The following TTBK1 variants were observed in gnomAD, a reference collection of about 807,000 sequenced individuals.
The protein encoded by TTBK1 is tau-tubulin kinase 1.
In TTBK1, 34 loss-of-function variants were observed where a neutral mutation model predicts 108.5. That is an observed-to-expected ratio of 0.31 (90% CI 0.24 to 0.42). The LOEUF (loss-of-function observed/expected upper bound fraction) is 0.42. Among genes scored for constraint, TTBK1 ranks in the 10% least tolerant of loss-of-function variants. The pLI is 1.00. For missense variants in TTBK1, 1,539 were observed against 1,826.0 expected (o/e 0.84, Z 2.86); for synonymous variants, 809 against 795.1 (o/e 1.02, Z -0.29).
chr6:43,284,145 C>A lies in TTBK1; in HGVS notation c.3405C>A (p.Ala1135=). Residue 1135 remains alanine (A), a synonymous_variant, in exon 14 of 15, where the codon GCC becomes GCA. Transcript: ENST00000259750. ...SGTGSEEDTP[A]SEPAAALPRK... ...CGGGCTCTGAGGAGGACACGCCCGCCTCTGAGCCGGCAGCGGCCTTGCCCA... is the reference window on the plus strand; with the variant it reads ...CGGGCTCTGAGGAGGACACGCCCGCATCTGAGCCGGCAGCGGCCTTGCCCA... The A allele has an allele frequency of 6.5e-7, 1 of 1,545,480 alleles. No individual in the cohort carries two copies. Among genetic ancestry groups the A allele is most frequent in the Non-Finnish European group, 8.7e-7 (1 of 1,151,926 alleles).
rs906714468 is a variant in TTBK1 at position 43,246,782 on chromosome 6, C to T, written c.108+14C>T. On this transcript the variant is annotated intron_variant, in intron 2 of 14. Coordinates refer to ENST00000259750, the MANE Select transcript of TTBK1 (RefSeq NM_032538.3). ...CGCTGGAAGGTGGTGAGTGAGTGACCCGGCGGGACAGAGGGAGGGTAGCGG... is the reference window on the plus strand; with the variant it reads ...CGCTGGAAGGTGGTGAGTGAGTGACTCGGCGGGACAGAGGGAGGGTAGCGG... 1 of 1,598,978 alleles carries T rather than the reference C, an allele frequency of 6.3e-7. No homozygotes were observed. The highest frequency in any genetic ancestry group is 8.5e-7 in the Non-Finnish European group (1 of 1,170,980).
rs773134750 is a variant in TTBK1, at chr6:43,269,774, G to GGGCTCCTCC, written c.1986+6427_1986+6435dup. Reference sequence around the variant, plus strand: ...CTCACCCCGGCGGCGGCGGCTCCTCGGGCTCCTCCGGTTCCCTCATTCAGC... The same window carrying GGGCTCCTCC: ...CTCACCCCGGCGGCGGCGGCTCCTCGGGCTCCTCCGGCTCCTCCGGTTCCCTCATTCAGC... On this transcript the variant is annotated intron_variant, in intron 13 of 14. Coordinates refer to ENST00000259750, the MANE Select transcript of TTBK1 (RefSeq NM_032538.3). The surrounding 1 kb of genome is among the most constrained non-coding windows in gnomAD (Gnocchi z 4.8). 8 of 1,583,960 alleles carry GGGCTCCTCC rather than the reference G, an allele frequency of 5.1e-6. No individual in the cohort carries two copies. The highest frequency in any genetic ancestry group is 2.6e-6 in the Non-Finnish European group (3 of 1,169,976).
At position 43,253,513 on chromosome 6, in the gene TTBK1, G is replaced by T; in HGVS notation, c.331-55G>T. 6.3e-7 allele frequency: 1 copy of T among 1,586,446 alleles called. No individual in the cohort carries two copies. The highest frequency in any genetic ancestry group is 8.6e-7 in the Non-Finnish European group (1 of 1,165,912). ...GGCTGGGAAGAGTATCACAATGATG[G>T]TGTCTGGGATGATGGCTGAGGGTGA... On this transcript the variant is annotated intron_variant, in intron 4 of 14. Transcript: ENST00000259750. The surrounding 1 kb of genome is among the most constrained non-coding windows in gnomAD (Gnocchi z 5.8).
Position 43,283,244 on chromosome 6 carries a change from C to G in TTBK1, c.2504C>G (p.Thr835Arg). ...CTGGAGCCTGAGGAGGGCTCCAAAA[C>G]GCTGGTGCTTGTCTCTCCTGGCGAC... ...GDLEPEEGSKTLVLVSPGDMK... is the reference protein window; with the variant it reads ...GDLEPEEGSKRLVLVSPGDMK... The change falls in exon 14 of 15, where the codon ACG becomes AGG. Residue 835 changes from threonine (T) to arginine (R), a missense_variant. Physicochemically the swap from Thr to Arg is moderately conservative, Grantham distance 71. Coordinates refer to ENST00000259750, the MANE Select transcript of TTBK1 (RefSeq NM_032538.3). This position sits in a 1 kb window ranked among gnomAD's most constrained non-coding sequence, Gnocchi z 8.1. 3 of 1,552,600 alleles carry G rather than the reference C, an allele frequency of 1.9e-6. No individual in the cohort carries two copies. The highest frequency in any genetic ancestry group is 2.6e-6 in the Non-Finnish European group (3 of 1,148,378).
chr6:43,260,746 CAG>C (rs1777518830), intron 12 of TTBK1, among the ~76,000 whole-genome samples: 1 of 152,158 alleles, frequency 6.6e-6, no homozygotes, highest in African/African-American at 2.4e-5. Context: ...GTTTGGCTCA[CAG>C]TGAACCCCAG....
Position 43,285,221 on chromosome 6 carries a change from C to A in TTBK1, c.3811C>A (p.Pro1271Thr), listed in dbSNP as rs543762124. 6.8e-4 allele frequency: 883 copies of A among 1,306,734 alleles called. 4 individuals carry two copies. In the African/African-American group the frequency reaches 0.011, roughly 17 times the overall value. The allele number at this position is 1,306,734 out of a possible 1,614,324, so 80.9% of individuals were successfully genotyped here. The change falls in exon 15 of 15, where the codon CCC becomes ACC. Residue 1271 changes from proline (P) to threonine (T), a missense_variant. Physicochemically the swap from Pro to Thr is conservative, Grantham distance 38. Transcript: ENST00000259750. The surrounding 1 kb of genome is among the most constrained non-coding windows in gnomAD (Gnocchi z 4.7). ...SPSHQARPGV[P>T]PPRGVPPARA... ...CTCGCACCAGGCCCGGCCCGGGGTC[C>A]CCCCGCCCCGGGGCGTCCCGCCGGC...
chr6:43,262,801 T>C lies in TTBK1; in HGVS notation c.1437T>C (p.Asp479=). Residue 479 remains aspartate, a synonymous_variant, in exon 13 of 15, where the codon GAT becomes GAC. Coordinates refer to ENST00000259750, the MANE Select transcript of TTBK1 (RefSeq NM_032538.3). Reference sequence around the variant, plus strand: ...GGTGGCTTTGCAGGTCACGGATGGATCTGCCTGGCTCGCCCTCGCGCCAGG... The same window carrying C: ...GGTGGCTTTGCAGGTCACGGATGGACCTGCCTGGCTCGCCCTCGCGCCAGG... ...VELPERRSRM[D]LPGSPSRQAC... is the part of the protein sequence containing the mutation. The C allele has an allele frequency of 1.3e-6, 2 of 1,571,620 alleles. No homozygotes were observed. The highest frequency in any genetic ancestry group is 1.7e-6 in the Non-Finnish European group (2 of 1,155,220).
rs1778400384 is a variant in TTBK1, at chr6:43,287,078, G to T, written c.*1702G>T. On this transcript the variant is annotated 3_prime_UTR_variant, in exon 15 of 15. Coordinates refer to ENST00000259750, the MANE Select transcript of TTBK1 (RefSeq NM_032538.3). The surrounding 1 kb of genome is among the most constrained non-coding windows in gnomAD (Gnocchi z 4.1). Reference sequence around the variant, plus strand: ...CAGCCACTTCCAGGCCAGGGTGGTGGCTTCTCTGCAGACCAGCTGAGGGGA... The same window carrying T: ...CAGCCACTTCCAGGCCAGGGTGGTGTCTTCTCTGCAGACCAGCTGAGGGGA... The T allele has an allele frequency of 6.5e-6, 1 of 152,678 alleles. No individual in the cohort carries two copies. Among genetic ancestry groups the T allele is most frequent in the Non-Finnish European group, 1.5e-5 (1 of 68,068 alleles). The allele number at this position is 152,678 out of a possible 1,614,324, so 9.5% of individuals were successfully genotyped here.
chr6:43,270,389 C>A lies in TTBK1; in HGVS notation c.1986+7039C>A, dbSNP rs988380581. Reference sequence around the variant, plus strand: ...GGTCTGATCCACCCCGAGGGGCTGGCGGGAGGCCAAGACCCTCCTTGCATG... The same window carrying A: ...GGTCTGATCCACCCCGAGGGGCTGGAGGGAGGCCAAGACCCTCCTTGCATG... On this transcript the variant is annotated intron_variant, in intron 13 of 14. Coordinates refer to ENST00000259750, the MANE Select transcript of TTBK1 (RefSeq NM_032538.3). 1.4e-5 allele frequency: 14 copies of A among 994,024 alleles called. No individual in the cohort carries two copies. The African/African-American group carries it at 2.3e-4, about 17-fold the overall frequency. The allele number at this position is 994,024 out of a possible 1,614,324, so 61.6% of individuals were successfully genotyped here. A position where few individuals can be genotyped will look rare whatever the true frequency, so the allele number is the denominator to read the frequency against.
intron 7 of TTBK1, 69 bp downstream of exon 7, chr6:43,255,183 T>TGGGGTGGG: frequency 4.9e-6 from 1 of 206,162 alleles, no homozygotes; most frequent in Non-Finnish European, 9.0e-6. Flanking sequence ...AGTGTGCTGC[T>TGGGGTGGG]GGGGAGGGGT....
In TTBK1 at chr6:43,253,029, G is replaced by A; in HGVS notation, c.256+143G>A. Reference sequence around the variant, plus strand: ...GGATGGAGCCAGGAGCTAAGGGGGAGGTGACGGAGCCAGAGTCTAGGAGAG... The same window carrying A: ...GGATGGAGCCAGGAGCTAAGGGGGAAGTGACGGAGCCAGAGTCTAGGAGAG... On this transcript the variant is annotated intron_variant, in intron 3 of 14. Coordinates refer to ENST00000259750, the MANE Select transcript of TTBK1 (RefSeq NM_032538.3). This position sits in a 1 kb window ranked among gnomAD's most constrained non-coding sequence, Gnocchi z 5.8. 1 of 1,109,276 alleles carries A rather than the reference G, an allele frequency of 9.0e-7. No homozygotes were observed. Among genetic ancestry groups the A allele is most frequent in the African/African-American group, 1.6e-5 (1 of 64,238 alleles). 68.7% of individuals were successfully genotyped at this position (1,109,276 alleles called of 1,614,324 possible). A position where few individuals can be genotyped will look rare whatever the true frequency, so the allele number is the denominator to read the frequency against.
At chr6:43,252,613 C>T (rs1455205835) in intron 2 of TTBK1, 126 bp from the exon 3 acceptor site, 1 of 1,066,382 alleles carries the variant, frequency 9.4e-7, no homozygotes, top group East Asian at 2.6e-5. Context: ...CAAAGTGAGA[C>T]TCCATCTCAA....
At chr6:43,274,031 C>T (rs968619766) in intron 13 of TTBK1, among the ~76,000 whole-genome samples, 3 of 152,204 alleles carry the variant, frequency 2.0e-5, no homozygotes, top group Admixed American at 6.5e-5. Flanking sequence ...GGCCAGTGGA[C>T]CTTTTTGTGG....
chr6:43,275,013 G>A (rs1029865456), intron 13 of TTBK1, among the ~76,000 whole-genome samples: 3 of 152,150 alleles, frequency 2.0e-5, no homozygotes, highest in Non-Finnish European at 4.4e-5. Context: ...CTGTGGGGGT[G>A]CGGGCAGTGG....
chr6:43,244,173 C>T (rs1302260929), intron 1 of TTBK1, among the ~76,000 whole-genome samples: 1 of 152,028 alleles, frequency 6.6e-6, no homozygotes, highest in African/African-American at 2.4e-5. Context: ...GGTCTCTATC[C>T]TACCCACCCC....
intron 12 of TTBK1, among the ~76,000 whole-genome samples, chr6:43,262,275 C>G (rs959442826): frequency 6.6e-6 from 1 of 152,076 alleles, no homozygotes; most frequent in African/African-American, 2.4e-5. Flanking sequence ...CTAGCAAGGC[C>G]ATCTTGGGGG....
At position 43,283,364 on chromosome 6, in the gene TTBK1, C is replaced by T. The variant is rs746884009; in HGVS notation, c.2624C>T (p.Thr875Met). The change falls in exon 14 of 15, where the codon ACG (threonine) becomes ATG (methionine). Residue 875 changes from threonine to methionine, a missense_variant. Coordinates refer to ENST00000259750, the MANE Select transcript of TTBK1 (RefSeq NM_032538.3). The surrounding 1 kb of genome is among the most constrained non-coding windows in gnomAD (Gnocchi z 8.1). ...LTPQHERPQP[T>M]GSQLDVSEPG... ...CCTCAGCATGAGCGGCCCCAGCCCA[C>T]GGGCAGCCAGCTGGACGTATCTGAG... is the stretch of plus-strand genomic sequence containing the variant. The T allele has an allele frequency of 6.3e-6, 10 of 1,598,758 alleles. No homozygotes were observed. Among genetic ancestry groups the T allele is most frequent in the Non-Finnish European group, 8.5e-6 (10 of 1,172,736 alleles).
rs1052668146 is a variant in TTBK1, at chr6:43,276,032, G to A, written c.1987-6695G>A. On this transcript the variant is annotated intron_variant, in intron 13 of 14. Transcript: ENST00000259750. The surrounding 1 kb of genome is among the most constrained non-coding windows in gnomAD (Gnocchi z 5.4). Reference sequence around the variant, plus strand: ...CCAGCTGAGCCCCTTCCTGCGTAAGGAGACGCCTTCTAATTGCGGGGTGGG... The same window carrying A: ...CCAGCTGAGCCCCTTCCTGCGTAAGAAGACGCCTTCTAATTGCGGGGTGGG... Among the ~76,000 whole-genome samples, 1 of 151,978 alleles carries A rather than the reference G, an allele frequency of 6.6e-6. No individual in the cohort carries two copies. Among genetic ancestry groups the A allele is most frequent in the Non-Finnish European group, 1.5e-5 (1 of 67,972 alleles).
intron 2 of TTBK1, among the ~76,000 whole-genome samples, chr6:43,248,519 TC>T (rs1451051874): frequency 2.0e-5 from 3 of 152,126 alleles, no homozygotes; most frequent in Non-Finnish European, 2.9e-5. Context: ...GGTCACGAGT[TC>T]GAGACCAGGC....
Sources: allele counts gnomAD v4.1 joint callset (sites outside exome capture counted in the v4.1 genomes callset), GRCh38; gene constraint gnomAD v4.1.1; non-coding constraint Gnocchi (gnomAD v3.1); transcripts MANE v1.5; gene names NCBI Gene and HGNC (gene_info 2026-07-23, HGNC 2026-07-21).